Variants in STPG2 observed in about 807,000 individuals in gnomAD.
The protein encoded by STPG2 is sperm-tail PG-rich repeat-containing protein 2.
In STPG2, 56 loss-of-function variants were observed where a neutral mutation model predicts 54.2. The observed-to-expected ratio is 1.03, with a 90% CI of 0.83 to 1.29. The LOEUF (loss-of-function observed/expected upper bound fraction) is 1.29. Ranked by LOEUF, STPG2 falls within the 50% of genes most tolerant of loss-of-function variation. STPG2 has a pLI of 0.00. For missense variants in STPG2, 596 were observed against 544.9 expected, an observed-to-expected ratio of 1.09 and a Z score of -0.93; for synonymous variants, 200 against 181.8, an observed-to-expected ratio of 1.10 and a Z score of -0.81.
chr4:97,509,839 T>C (rs1403662554), intron 4 of STPG2, among the ~76,000 whole-genome samples: 1 of 152,062 alleles, frequency 6.6e-6, no homozygotes. Context: ...TGTTATTCAA[T>C]TGATTATTAG....
intron 5 of STPG2, among the ~76,000 whole-genome samples, chr4:97,987,971 A>G (rs1734879270): frequency 6.6e-6 from 1 of 150,860 alleles, no homozygotes; most frequent in African/African-American, 2.4e-5. Context: ...TCTCAAACCC[A>G]CCCAGTGGTT....
chr4:97,734,251 A>G (rs2149029117), intron 9 of STPG2, among the ~76,000 whole-genome samples: 1 of 148,960 alleles, frequency 6.7e-6, no homozygotes, highest in South Asian at 2.1e-4. Context: ...TTTATTTTTT[A>G]TCACTTAGCT....
At chr4:98,071,996 G>A (rs1186790811) in intron 5 of STPG2, among the ~76,000 whole-genome samples, 2 of 152,192 alleles carry the variant, frequency 1.3e-5, no homozygotes, top group East Asian at 1.9e-4. Flanking sequence ...GGAAAACAGA[G>A]TGGCAATTCC....
At chr4:97,749,973 G>A (rs1264069473) in intron 9 of STPG2, among the ~76,000 whole-genome samples, 1 of 151,686 alleles carries the variant, frequency 6.6e-6, no homozygotes, top group Non-Finnish European at 1.5e-5. Flanking sequence ...TCCTAGGGAT[G>A]GTACCACCAT....
intron 4 of STPG2, chr4:97,463,695 CTG>C (rs1729721921): frequency 6.6e-6 from 1 of 152,280 alleles, no homozygotes; most frequent in East Asian, 1.9e-4. Flanking sequence ...GGTGATCTGC[CTG>C]CCTTGGCCTC....
At chr4:97,767,980 A>T (rs1042705114) in intron 9 of STPG2, among the ~76,000 whole-genome samples, 3 of 152,132 alleles carry the variant, frequency 2.0e-5, no homozygotes, top group Non-Finnish European at 2.9e-5. Context: ...ATCCTGGCCA[A>T]CATGGTGAAA....
intron 9 of STPG2, among the ~76,000 whole-genome samples, chr4:97,784,566 T>C (rs1006094011): frequency 4.6e-5 from 7 of 151,894 alleles, no homozygotes; most frequent in Admixed American, 1.3e-4. Context: ...GAAACAAGTA[T>C]AAATGGTAGT....
rs74424789 is a variant in STPG2 at position 97,457,372 on chromosome 4, C to T, written c.462+255327G>A. On this transcript the variant is annotated intron_variant, in intron 4 of 4. Coordinates refer to the STPG2 transcript ENST00000522676. ...GGAGGCCATTAGGCTGACGCAACTC[C>T]AGTGCCTATGTAATCAAACCAAACC... Among the ~76,000 whole-genome samples the T allele has an allele frequency of 2.8e-4, 43 of 152,330 alleles. No individual in the cohort carries two copies. The East Asian group carries it at 7.7e-3, about 27-fold the overall frequency.
chr4:97,635,969 C>T (rs1721504674), intron 10 of STPG2, among the ~76,000 whole-genome samples: 1 of 152,162 alleles, frequency 6.6e-6, no homozygotes, highest in African/African-American at 2.4e-5. Context: ...AGGAATTGAA[C>T]TCAGCTCTGC....
chr4:97,700,419 G>T (rs1047880447), intron 10 of STPG2, among the ~76,000 whole-genome samples: 6 of 152,190 alleles, frequency 3.9e-5, no homozygotes, highest in African/African-American at 1.4e-4. Flanking sequence ...TAGGCATTCT[G>T]CCACTTTCTT....
chr4:97,848,758 T>A (rs1192249222), intron 8 of STPG2, among the ~76,000 whole-genome samples: 1 of 151,662 alleles, frequency 6.6e-6, no homozygotes, highest in East Asian at 1.9e-4. Flanking sequence ...AAATAGGGAA[T>A]CCTTTCCCCA....
At chr4:97,504,345 A>G (rs1216927017) in intron 4 of STPG2, among the ~76,000 whole-genome samples, 1 of 151,410 alleles carries the variant, frequency 6.6e-6, no homozygotes, top group Non-Finnish European at 1.5e-5. Flanking sequence ...AAACTCATCT[A>G]TAGTTTATAG....
intron 7 of STPG2, among the ~76,000 whole-genome samples, chr4:97,951,755 T>G (rs1207463005): frequency 6.6e-6 from 1 of 152,158 alleles, no homozygotes; most frequent in Non-Finnish European, 1.5e-5. Flanking sequence ...GTGCTTTTAA[T>G]TAATTTATTT....
intron 5 of STPG2, among the ~76,000 whole-genome samples, chr4:98,066,303 T>C (rs1737833555): frequency 6.6e-6 from 1 of 152,140 alleles, no homozygotes; most frequent in African/African-American, 2.4e-5. Context: ...TTAATATTTA[T>C]TCTATTTGGA....
intron 4 of STPG2, among the ~76,000 whole-genome samples, chr4:97,483,827 T>C (rs1450927906): frequency 6.6e-6 from 1 of 151,716 alleles, no homozygotes; most frequent in East Asian, 1.9e-4. Flanking sequence ...TGATAGGTCA[T>C]AAAACAAGCC....
chr4:97,940,527 A>C (rs1368313019), intron 8 of STPG2, among the ~76,000 whole-genome samples: 1 of 151,794 alleles, frequency 6.6e-6, no homozygotes, highest in Non-Finnish European at 1.5e-5. Flanking sequence ...GTTTTGTCTG[A>C]CTGTCTTATT....
At chr4:97,635,421 A>G (rs2148938088) in intron 10 of STPG2, among the ~76,000 whole-genome samples, 1 of 152,344 alleles carries the variant, frequency 6.6e-6, no homozygotes, top group Non-Finnish European at 1.5e-5. Context: ...ACTAGGAAGA[A>G]ACTGCATCAA....
At chr4:97,893,683 G>A (rs185059665) in intron 8 of STPG2, among the ~76,000 whole-genome samples, 1 of 152,170 alleles carries the variant, frequency 6.6e-6, no homozygotes, top group East Asian at 1.9e-4. Context: ...GAGAAAATCA[G>A]ATTCAGAGTT....
intron 10 of STPG2, among the ~76,000 whole-genome samples, chr4:97,624,925 A>T (rs2148927545): frequency 6.6e-6 from 1 of 152,138 alleles, no homozygotes; most frequent in Non-Finnish European, 1.5e-5. Context: ...AAGATCAGAT[A>T]ATTAAGGTTG....
Sources: allele counts gnomAD v4.1 joint callset (sites outside exome capture counted in the v4.1 genomes callset), GRCh38; gene constraint gnomAD v4.1.1; transcripts MANE v1.5; gene names NCBI Gene and HGNC (gene_info 2026-07-23, HGNC 2026-07-21).